The following APOLD1 variants were observed in gnomAD, a reference collection of about 807,000 sequenced individuals.
The protein encoded by APOLD1 is apolipoprotein L domain containing 1.
APOLD1 carries 22 observed loss-of-function variants against 15.3 expected under a neutral mutation model. That is an observed-to-expected ratio of 1.44 (90% CI 1.03 to 2.05). The LOEUF is 2.05. APOLD1 is among the 30% of genes most tolerant of loss of function. The pLI is 0.00. For missense variants in APOLD1, 394 were observed against 353.5 expected (o/e 1.11, Z -0.92); for synonymous variants, 190 against 167.4 (o/e 1.13, Z -1.04).
At chr12:12,772,209 T>C (rs1565435404) in intron 1 of APOLD1, among the ~76,000 whole-genome samples, 1 of 152,158 alleles carries the variant, frequency 6.6e-6, no homozygotes, top group Non-Finnish European at 1.5e-5. Flanking sequence ...ATTGTCAGAC[T>C]GGATCAAAAA....
chr12:12,784,777 T>C (rs957004020), upstream of APOLD1, among the ~76,000 whole-genome samples: 5 of 152,172 alleles, frequency 3.3e-5, no homozygotes, highest in East Asian at 1.9e-4. Flanking sequence ...CCCAGAGATA[T>C]CTATGTTCCA....
chr12:12,732,729 C>CAAAAAAAAAAAAAAAAAA (rs34221371), intron 1 of APOLD1, among the ~76,000 whole-genome samples: 1 of 87,670 alleles, frequency 1.1e-5, no homozygotes, highest in Non-Finnish European at 2.6e-5. Flanking sequence ...GACTCTGTCT[C>CAAAAAAAAAAAAAAAAAA]AAAAAAAAAA....
chr12:12,790,240 T>C lies in APOLD1; in HGVS notation c.*2588T>C, dbSNP rs1466719671. Reference sequence around the variant, plus strand: ...GGCTGGTCTTGAACTCCTGGCCTTATGTGATCCGCCCACCTTGGCTTCCCA... The same window carrying C: ...GGCTGGTCTTGAACTCCTGGCCTTACGTGATCCGCCCACCTTGGCTTCCCA... On this transcript the variant is annotated 3_prime_UTR_variant, in exon 2 of 2. Coordinates refer to ENST00000356591, the MANE Select transcript of APOLD1 (RefSeq NM_030817.3). The C allele has an allele frequency of 6.6e-6, 1 of 152,132 alleles. No homozygotes were observed. Among genetic ancestry groups the C allele is most frequent in the Non-Finnish European group, 1.5e-5 (1 of 68,022 alleles). The allele number at this position is 152,132 out of a possible 1,614,324, so 9.4% of individuals were successfully genotyped here.
At chr12:12,746,686 C>G (rs1230811049) in intron 1 of APOLD1, among the ~76,000 whole-genome samples, 1 of 152,054 alleles carries the variant, frequency 6.6e-6, no homozygotes, top group African/African-American at 2.4e-5. Context: ...ACAGGTTGTA[C>G]ATGGGTATAT....
intron 1 of APOLD1, among the ~76,000 whole-genome samples, chr12:12,774,163 A>G (rs1947010053): frequency 6.6e-6 from 1 of 152,244 alleles, no homozygotes; most frequent in Non-Finnish European, 1.5e-5. Flanking sequence ...CAAGCCACAG[A>G]CTGGAAGAAA....
chr12:12,729,489 G>A (rs1240123823), intron 1 of APOLD1, among the ~76,000 whole-genome samples: 1 of 151,998 alleles, frequency 6.6e-6, no homozygotes, highest in Non-Finnish European at 1.5e-5. Flanking sequence ...TGAACGCCTG[G>A]CCTCAAGTGA....
At chr12:12,730,059 TGTGTGTGTGTGTGTGTGTGAGAGA>T (rs1440410871) in intron 1 of APOLD1, among the ~76,000 whole-genome samples, 41 of 106,496 alleles carry the variant, frequency 3.8e-4, no homozygotes, top group African/African-American at 1.1e-3. Flanking sequence ...TGTGTGTGTG[TGTGTGTGTGTGTGTGTGTGAGAGA>T]GAGAGAGAGA....
chr12:12,732,521 T>A (rs1397916504), intron 1 of APOLD1, among the ~76,000 whole-genome samples: 10 of 151,980 alleles, frequency 6.6e-5, no homozygotes. Flanking sequence ...GGTCAGGAGT[T>A]TGAGACCAGC....
intron 1 of APOLD1, among the ~76,000 whole-genome samples, chr12:12,740,043 G>A (rs954045596): frequency 3.3e-5 from 5 of 150,202 alleles, no homozygotes; most frequent in Admixed American, 6.7e-5. Flanking sequence ...GTACAGTGGT[G>A]TGATCTCAGG....
rs565430367 is a variant in APOLD1, at chr12:12,767,791, A to G, written c.97-19118A>G. Among the ~76,000 whole-genome samples the G allele has an allele frequency of 1.1e-4, 16 of 151,748 alleles. No homozygotes were observed. The South Asian group carries it at 3.1e-3, about 30-fold the overall frequency. On this transcript the variant is annotated intron_variant, in intron 1 of 1. Coordinates refer to the APOLD1 transcript ENST00000326765. ...GGTGAGTAGGTTATACGCAAATCCTATGCCTTTTTTTTTTGACGGAGTCTC... is the reference window on the plus strand; with the variant it reads ...GGTGAGTAGGTTATACGCAAATCCTGTGCCTTTTTTTTTTGACGGAGTCTC...
chr12:12,755,818 G>A (rs1440596245), intron 1 of APOLD1, among the ~76,000 whole-genome samples: 1 of 152,196 alleles, frequency 6.6e-6, no homozygotes, highest in African/African-American at 2.4e-5. Flanking sequence ...TCTAACCAGG[G>A]CAAAAGAGTG....
chr12:12,775,029 G>A, intron 1 of APOLD1, among the ~76,000 whole-genome samples: 1 of 152,334 alleles, frequency 6.6e-6, no homozygotes, highest in East Asian at 1.9e-4. Context: ...ATTTGTGATT[G>A]CCAAACATCA....
rs1649354841 is a variant in APOLD1, at chr12:12,787,846, T to G, written c.*194T>G. 2.7e-6 allele frequency: 2 copies of G among 731,092 alleles called. No individual in the cohort carries two copies. The highest frequency in any genetic ancestry group is 3.4e-5 in the Admixed American group (1 of 29,612). 45.3% of individuals were successfully genotyped at this position (731,092 alleles called of 1,614,324 possible). ...ACTGTGACATCTGCCTGGGCTTGAG[T>G]GCTACGGACTTTTCAGTCTTCCTAG... On this transcript the variant is annotated 3_prime_UTR_variant, in exon 2 of 2. Transcript: ENST00000356591. The surrounding 1 kb of genome is among the most constrained non-coding windows in gnomAD (Gnocchi z 4.9).
chr12:12,759,349 C>T (rs1946880861), intron 1 of APOLD1, among the ~76,000 whole-genome samples: 1 of 151,660 alleles, frequency 6.6e-6, no homozygotes, highest in African/African-American at 2.4e-5. Context: ...CTCAAGTTGT[C>T]CCATCTTGGC....
intron 1 of APOLD1, among the ~76,000 whole-genome samples, chr12:12,736,238 C>G (rs1946684178): frequency 6.6e-6 from 1 of 152,148 alleles, no homozygotes; most frequent in South Asian, 2.1e-4. Context: ...GTAATCCCAG[C>G]TACTCGAGAG....
chr12:12,739,816 CTTTTTT>C (rs35885205), intron 1 of APOLD1, among the ~76,000 whole-genome samples: 1 of 111,728 alleles, frequency 9.0e-6, no homozygotes, highest in Non-Finnish European at 1.9e-5. Context: ...CCAGATCCTA[CTTTTTT>C]TTTTTTTTTT....
intron 1 of APOLD1, among the ~76,000 whole-genome samples, chr12:12,779,779 GTATC>G (rs940021976): frequency 7.2e-5 from 11 of 152,294 alleles, no homozygotes; most frequent in African/African-American, 2.2e-4. Flanking sequence ...AGACAAGTGT[GTATC>G]TATCTGCAGG....
At chr12:12,785,484 C>T (rs1037717250), upstream of APOLD1, 17 of 702,500 alleles carry the variant, frequency 2.4e-5, no homozygotes, top group East Asian at 4.7e-4. Context: ...TGTTCGTTTC[C>T]TAAATACGGG....
At position 12,764,734 on chromosome 12, in the gene APOLD1, T is replaced by C. The variant is rs780144421; in HGVS notation, c.97-22175T>C. On this transcript the variant is annotated intron_variant, in intron 1 of 1. Transcript: ENST00000326765. ...AGGAATGTTCCTTCTTTGCCACTCATACACCTTTATGTGCATCTCACATGG... is the reference window on the plus strand; with the variant it reads ...AGGAATGTTCCTTCTTTGCCACTCACACACCTTTATGTGCATCTCACATGG... The C allele has an allele frequency of 9.5e-5, 48 of 505,468 alleles. 1 individual carries two copies. Among genetic ancestry groups the C allele is most frequent in the South Asian group, 6.7e-4 (45 of 66,854 alleles). 31.3% of individuals were successfully genotyped at this position (505,468 alleles called of 1,614,324 possible).
Sources: allele counts gnomAD v4.1 joint callset (sites outside exome capture counted in the v4.1 genomes callset), GRCh38; gene constraint gnomAD v4.1.1; non-coding constraint Gnocchi (gnomAD v3.1); transcripts MANE v1.5; gene names NCBI Gene and HGNC (gene_info 2026-07-23, HGNC 2026-07-21).